Variants in RAD18 observed in about 807,000 individuals in gnomAD.
RAD18 encodes E3 ubiquitin-protein ligase RAD18.
Under a neutral mutation model 60.4 loss-of-function variants are expected in RAD18, and 47 were observed. The ratio of observed to expected loss-of-function variants is 0.78; its 90% CI spans 0.62 to 0.99. The LOEUF is 0.99. RAD18 is among the 50% of genes least tolerant of loss of function. The probability of loss-of-function intolerance (pLI) is 0.00; values close to 1 mark genes in which losing one functional copy is unlikely to be tolerated. For missense variants in RAD18, 640 were observed against 593.3 expected (o/e 1.08, Z -0.82); for synonymous variants, 225 against 195.5 (o/e 1.15, Z -1.26).
chr3:8,955,506 G>A (rs1434246287), intron 2 of RAD18, among the ~76,000 whole-genome samples: 1 of 152,222 alleles, frequency 6.6e-6, no homozygotes, highest in Non-Finnish European at 1.5e-5. Context: ...GGGAGGCTGG[G>A]AGAGAATAGT....
At position 8,878,739 on chromosome 3, in the gene RAD18, A is replaced by G. The variant is rs537993456; in HGVS notation, c.*2618T>C. 120 of 152,374 alleles carry G rather than the reference A, an allele frequency of 7.9e-4. No individual in the cohort carries two copies. The highest frequency in any genetic ancestry group is 2.8e-3 in the African/African-American group (116 of 41,586). 9.4% of individuals were successfully genotyped at this position (152,374 alleles called of 1,614,324 possible). ...GTAGAGGATGAAAGGACGGCCTGGCATACTAGGCCATCTAAAGTGCATCCA... is the reference window on the plus strand; with the variant it reads ...GTAGAGGATGAAAGGACGGCCTGGCGTACTAGGCCATCTAAAGTGCATCCA... On this transcript the variant is annotated 3_prime_UTR_variant, in exon 13 of 13. Coordinates refer to ENST00000264926, the MANE Select transcript of RAD18 (RefSeq NM_020165.4).
At chr3:8,909,337 T>C (rs1169789712) in intron 9 of RAD18, among the ~76,000 whole-genome samples, 3 of 152,036 alleles carry the variant, frequency 2.0e-5, no homozygotes, top group African/African-American at 7.2e-5. Flanking sequence ...AAGGCAGAAA[T>C]GGCATGATGT....
intron 7 of RAD18, among the ~76,000 whole-genome samples, chr3:8,932,554 A>G (rs952048842): frequency 6.6e-6 from 1 of 152,168 alleles, no homozygotes; most frequent in Middle Eastern, 3.2e-3. Flanking sequence ...CTCTCTCACA[A>G]TGCAAAATGA....
chr3:8,962,731 G>T (rs1941110997), intron 1 of RAD18, among the ~76,000 whole-genome samples: 1 of 152,210 alleles, frequency 6.6e-6, no homozygotes, highest in African/African-American at 2.4e-5. Context: ...TTATTTAAGT[G>T]AAATAATCAG....
intron 1 of RAD18, among the ~76,000 whole-genome samples, chr3:8,962,845 G>A (rs1941112990): frequency 6.6e-6 from 1 of 152,206 alleles, no homozygotes; most frequent in Non-Finnish European, 1.5e-5. Flanking sequence ...AGTTGGGGCA[G>A]TATGTCAGAA....
intron 11 of RAD18, among the ~76,000 whole-genome samples, chr3:8,892,880 T>C (rs1387237228): frequency 1.3e-5 from 2 of 152,230 alleles, no homozygotes; most frequent in Admixed American, 6.5e-5. Context: ...TTACTTACTG[T>C]GTAATTTTGG....
At chr3:8,954,531 G>C (rs900697252) in intron 2 of RAD18, among the ~76,000 whole-genome samples, 11 of 152,136 alleles carry the variant, frequency 7.2e-5, no homozygotes, top group Non-Finnish European at 1.3e-4. Flanking sequence ...GTTGGAGTAA[G>C]TCTGCTCCCT....
chr3:8,912,867 A>G (rs1455936245), intron 8 of RAD18, among the ~76,000 whole-genome samples: 1 of 152,214 alleles, frequency 6.6e-6, no homozygotes, highest in Non-Finnish European at 1.5e-5. Flanking sequence ...CAGACTTAAA[A>G]GATCAGAAAT....
chr3:8,924,703 A>T (rs1464358275), intron 7 of RAD18, among the ~76,000 whole-genome samples: 62 of 132,652 alleles, frequency 4.7e-4, no homozygotes, highest in African/African-American at 1.7e-3. Context: ...AAATTATAAC[A>T]AACTATCTCT....
At chr3:8,955,056 A>G (rs1418027303) in intron 2 of RAD18, among the ~76,000 whole-genome samples, 4 of 152,208 alleles carry the variant, frequency 2.6e-5, no homozygotes, top group Admixed American at 2.0e-4. Context: ...AAGTGAGCAA[A>G]CAACATGTAT....
rs1053665859 is a variant in RAD18 at position 8,946,390 on chromosome 3, T to C, written c.266+830A>G. Among the ~76,000 whole-genome samples the C allele has an allele frequency of 5.9e-5, 9 of 152,198 alleles. No individual in the cohort carries two copies. In the East Asian group the frequency reaches 7.7e-4, roughly 13 times the overall value. On this transcript the variant is annotated intron_variant, in intron 4 of 12. Coordinates refer to ENST00000264926, the MANE Select transcript of RAD18 (RefSeq NM_020165.4). ...GTATGATGTTCACACAGCAACCAAA[T>C]TGCCTAATGACACATTTCTCAGAAC... is the stretch of plus-strand genomic sequence containing the variant.
chr3:8,904,858 T>G (rs1939978085), intron 9 of RAD18, among the ~76,000 whole-genome samples: 1 of 152,216 alleles, frequency 6.6e-6, no homozygotes, highest in African/African-American at 2.4e-5. Context: ...GTCAAGAAAT[T>G]TGCTAAAGTA....
intron 4 of RAD18, among the ~76,000 whole-genome samples, chr3:8,945,674 G>A (rs577216835): frequency 7.8e-4 from 118 of 151,982 alleles, no homozygotes; most frequent in African/African-American, 2.8e-3. Flanking sequence ...GTTTCACCAT[G>A]TTGGCCAGGA....
intron 7 of RAD18, among the ~76,000 whole-genome samples, chr3:8,923,458 G>A (rs773979924): frequency 1.6e-4 from 25 of 152,072 alleles, no homozygotes; most frequent in Non-Finnish European, 3.2e-4. Context: ...TGAAAGTGAC[G>A]GGGAGAATGG....
intron 12 of RAD18, among the ~76,000 whole-genome samples, chr3:8,888,268 T>A (rs1939616453): frequency 1.3e-5 from 2 of 152,192 alleles, no homozygotes; most frequent in African/African-American, 4.8e-5. Flanking sequence ...CTGTGTCTCG[T>A]GGCCACACTG....
intron 7 of RAD18, among the ~76,000 whole-genome samples, chr3:8,918,300 T>C (rs1024663080): frequency 2.8e-5 from 3 of 106,606 alleles, no homozygotes; most frequent in South Asian, 6.2e-4. Context: ...CCTGGGCAAC[T>C]AGAGTGAAAC....
chr3:8,955,247 C>A (rs904098330), intron 2 of RAD18, among the ~76,000 whole-genome samples: 4 of 152,104 alleles, frequency 2.6e-5, no homozygotes, highest in Non-Finnish European at 5.9e-5. Context: ...CCCCCAGGCT[C>A]AGCAAGGAAG....
At chr3:8,907,174 C>A (rs968864122) in intron 9 of RAD18, among the ~76,000 whole-genome samples, 1 of 152,228 alleles carries the variant, frequency 6.6e-6, no homozygotes, top group Non-Finnish European at 1.5e-5. Flanking sequence ...CATACTACAG[C>A]CAGGAAACTG....
chr3:8,882,135 A>C (rs1559750936), intron 12 of RAD18, among the ~76,000 whole-genome samples: 1 of 107,806 alleles, frequency 9.3e-6, no homozygotes, highest in East Asian at 3.0e-4. Context: ...GGGGACAGGA[A>C]GAAGTCAAGT....
Sources: allele counts gnomAD v4.1 joint callset (sites outside exome capture counted in the v4.1 genomes callset), GRCh38; gene constraint gnomAD v4.1.1; transcripts MANE v1.5; gene names NCBI Gene and HGNC (gene_info 2026-07-23, HGNC 2026-07-21).